RHBDL2: variants seen among roughly 807,000 people sequenced by gnomAD.
RHBDL2 encodes the protein rhomboid like 2.
A neutral mutation model predicts 31.7 loss-of-function variants in RHBDL2; 26 were observed. That is an observed-to-expected ratio of 0.82 (90% confidence interval 0.60 to 1.14). The LOEUF is 1.14. Among genes scored for constraint, RHBDL2 ranks in the 50% most tolerant of loss-of-function variants. The probability of loss-of-function intolerance (pLI) is 0.00; values close to 1 mark genes in which losing one functional copy is unlikely to be tolerated. For synonymous variants in RHBDL2, 123 were observed against 127.2 expected (o/e 0.97, Z 0.22); for missense variants, 336 against 364.4 (o/e 0.92, Z 0.63).
At chr1:38,907,372 T>C (rs61264565) in intron 4 of RHBDL2, among the ~76,000 whole-genome samples, 3,342 of 151,572 alleles carry the variant, frequency 0.022, 122 homozygotes, top group African/African-American at 0.074. Context: ...AAACCCCATC[T>C]CTAATAAAAA....
intron 4 of RHBDL2, among the ~76,000 whole-genome samples, chr1:38,898,627 G>A (rs960220927): frequency 6.6e-6 from 1 of 152,196 alleles, no homozygotes; most frequent in Admixed American, 6.5e-5. Context: ...CCTTGAGGGA[G>A]ATTACAGAAT....
intron 4 of RHBDL2, among the ~76,000 whole-genome samples, chr1:38,898,610 G>T (rs571557156): frequency 6.6e-6 from 1 of 152,256 alleles, no homozygotes; most frequent in South Asian, 2.1e-4. Flanking sequence ...TGATTGCCCA[G>T]GTACTACCTT....
intron 4 of RHBDL2, among the ~76,000 whole-genome samples, chr1:38,897,044 G>T (rs1051709439): frequency 3.3e-5 from 5 of 152,030 alleles, no homozygotes; most frequent in Non-Finnish European, 7.4e-5. Flanking sequence ...CAGCAGAAGG[G>T]TGGAGTCCTT....
chr1:38,911,660 G>GCA lies in RHBDL2; in HGVS notation c.396-227_396-226insTG, dbSNP rs1491218086. On this transcript the variant is annotated intron_variant, in intron 3 of 7. Transcript: ENST00000372990. ...TGTGTGTGTGTGCGCGCGCGCGCGCGTGTGTGACTTGCTGTGTCTCCCAGC... is the reference window on the plus strand; with the variant it reads ...TGTGTGTGTGTGCGCGCGCGCGCGCGCATGTGTGACTTGCTGTGTCTCCCAGC... Among the ~76,000 whole-genome samples the GCA allele has an allele frequency of 2.0e-3, 307 of 150,936 alleles. 2 individuals are homozygous for GCA. Among genetic ancestry groups the GCA allele is most frequent in the African/African-American group, 6.8e-3 (279 of 40,876 alleles).
chr1:38,917,178 C>T (rs1021295991), intron 2 of RHBDL2, among the ~76,000 whole-genome samples: 17 of 151,340 alleles, frequency 1.1e-4, no homozygotes, highest in South Asian at 2.1e-4. Context: ...CCACCATGCC[C>T]GGCTAATTTT....
chr1:38,891,050 C>A (rs1642847036), intron 6 of RHBDL2, among the ~76,000 whole-genome samples: 1 of 152,054 alleles, frequency 6.6e-6, no homozygotes, highest in Non-Finnish European at 1.5e-5. Context: ...GAGTGGATCA[C>A]CTGAGGTCAG....
chr1:38,935,637 G>A (rs1643490716), intron 1 of RHBDL2, among the ~76,000 whole-genome samples: 1 of 152,194 alleles, frequency 6.6e-6, no homozygotes, highest in African/African-American at 2.4e-5. Flanking sequence ...TTTTGAGACA[G>A]GGTCTCACTC....
rs1193342470 is a variant in RHBDL2, at chr1:38,902,428, T to A, written c.509-6359A>T. Among the ~76,000 whole-genome samples, 421 of 149,530 alleles carry A rather than the reference T, an allele frequency of 2.8e-3. 2 individuals are homozygous for A. Among genetic ancestry groups the A allele is most frequent in the African/African-American group, 8.7e-3 (358 of 41,100 alleles). On this transcript the variant is annotated intron_variant, in intron 4 of 7. Transcript: ENST00000372990. ...TATTTTTTTATTTTTTTTATTATTTTTTTTTTTTTGAGATGGAGTCTCGCT... is the reference window on the plus strand; with the variant it reads ...TATTTTTTTATTTTTTTTATTATTTATTTTTTTTTGAGATGGAGTCTCGCT...
At chr1:38,933,315 C>G (rs914979314) in intron 1 of RHBDL2, among the ~76,000 whole-genome samples, 35 of 152,154 alleles carry the variant, frequency 2.3e-4, no homozygotes, top group Non-Finnish European at 5.0e-4. Flanking sequence ...CCTTCATAAC[C>G]TGTAGCACGT....
chr1:38,931,470 C>T (rs113631770), intron 1 of RHBDL2, among the ~76,000 whole-genome samples: 8 of 151,312 alleles, frequency 5.3e-5, no homozygotes, highest in Non-Finnish European at 7.4e-5. Context: ...TGCAGTAAGC[C>T]GAGATCACGC....
At chr1:38,904,756 G>A (rs1643039702) in intron 4 of RHBDL2, among the ~76,000 whole-genome samples, 1 of 149,906 alleles carries the variant, frequency 6.7e-6, no homozygotes, top group Admixed American at 6.7e-5. Flanking sequence ...AATTGGCCGG[G>A]CGCGGTGGCT....
At chr1:38,888,062 C>T in intron 6 of RHBDL2, 38 bp from the exon 7 acceptor site, 1 of 1,406,788 alleles carries the variant, frequency 7.1e-7, no homozygotes, top group Non-Finnish European at 1.0e-6. Flanking sequence ...CTCAGAATCT[C>T]CACAGTAGTA....
chr1:38,915,472 G>C, intron 3 of RHBDL2, 90 bp downstream of exon 3: 3 of 1,314,490 alleles, frequency 2.3e-6, no homozygotes, highest in Non-Finnish European at 3.2e-6. Flanking sequence ...ACATGAAAGT[G>C]CCTTATCAAT....
At position 38,919,141 on chromosome 1, in the gene RHBDL2, C is replaced by A. The variant is rs201884767; in HGVS notation, c.72G>T (p.Leu24=). Residue 24 remains leucine (L), a synonymous_variant, in exon 2 of 8, where the codon CTG becomes CTT. Coordinates refer to ENST00000372990, the MANE Select transcript of RHBDL2 (RefSeq NM_017821.5). Reference sequence around the variant, plus strand: ...CCTCTCTCATTTTCTCCTCTTCCTCCAGCTCTTCTTTCATCTCTCTCCCCA... The same window carrying A: ...CCTCTCTCATTTTCTCCTCTTCCTCAAGCTCTTCTTTCATCTCTCTCCCCA... ...LNMGREMKEE[L]EEEEKMREDG... 59 of 1,613,998 alleles carry A rather than the reference C, an allele frequency of 3.7e-5. No homozygotes were observed. The highest frequency in any genetic ancestry group is 4.9e-5 in the Non-Finnish European group (58 of 1,180,038).
chr1:38,912,581 TTA>T (rs1292570095), intron 3 of RHBDL2, among the ~76,000 whole-genome samples: 3 of 151,642 alleles, frequency 2.0e-5, no homozygotes, highest in Non-Finnish European at 4.4e-5. Context: ...ATCTAATTTT[TTA>T]TTTTATTTTA....
intron 1 of RHBDL2, chr1:38,929,691 G>A: frequency 1.6e-6 from 1 of 613,228 alleles, no homozygotes; most frequent in Non-Finnish European, 2.0e-6. Flanking sequence ...GGGGCTGCCA[G>A]GGAGACTTTC....
At chr1:38,928,374 C>T (rs1263771179) in intron 1 of RHBDL2, among the ~76,000 whole-genome samples, 2 of 152,002 alleles carry the variant, frequency 1.3e-5, no homozygotes, top group Admixed American at 6.6e-5. Context: ...AATCTCCTGA[C>T]CTCTTGATCC....
intron 5 of RHBDL2, among the ~76,000 whole-genome samples, chr1:38,895,634 G>A (rs998522692): frequency 1.2e-4 from 18 of 151,984 alleles, no homozygotes; most frequent in Non-Finnish European, 1.5e-5. Flanking sequence ...CGAAACCCTG[G>A]CTCTACAAAC....
intron 6 of RHBDL2, 26 bp from the exon 7 acceptor site, chr1:38,888,050 G>A (rs747916376): frequency 6.4e-7 from 1 of 1,554,180 alleles, no homozygotes; most frequent in South Asian, 1.1e-5. Context: ...CCCTGATAAA[G>A]GCTCAGAATC....
Sources: allele counts gnomAD v4.1 joint callset (sites outside exome capture counted in the v4.1 genomes callset), GRCh38; gene constraint gnomAD v4.1.1; transcripts MANE v1.5; gene names NCBI Gene and HGNC (gene_info 2026-07-23, HGNC 2026-07-21).